PID1: variants seen among roughly 807,000 people sequenced by gnomAD.
PID1 encodes the protein phosphotyrosine interaction domain containing 1.
PID1 carries 10 observed loss-of-function variants against 19.1 expected under a neutral mutation model. The observed-to-expected ratio is 0.52, with a 90% CI of 0.32 to 0.89. The LOEUF (loss-of-function observed/expected upper bound fraction) is 0.89. Ranked by LOEUF, PID1 falls within the 40% of genes least tolerant of loss-of-function variation. The pLI is 0.03. For synonymous variants in PID1, 130 were observed against 116.0 expected (o/e 1.12, Z -0.78); for missense variants, 248 against 285.3 (o/e 0.87, Z 0.94).
intron 2 of PID1, among the ~76,000 whole-genome samples, chr2:229,027,199 A>G (rs1693443949): frequency 6.6e-6 from 1 of 152,258 alleles, no homozygotes. Flanking sequence ...CATATAAAAA[A>G]TTAAAACACA....
intron 2 of PID1, among the ~76,000 whole-genome samples, chr2:229,086,924 C>CAG (rs977635474): frequency 1.3e-5 from 2 of 151,914 alleles, no homozygotes; most frequent in African/African-American, 4.8e-5. Context: ...CACACACACA[C>CAG]ACACACACAC....
chr2:229,232,795 A>C (rs1692242346), intron 1 of PID1, among the ~76,000 whole-genome samples: 1 of 902 alleles, frequency 1.1e-3, no homozygotes, highest in Admixed American at 0.024. Flanking sequence ...ATAAATATAT[A>C]TATATATATA....
chr2:229,128,826 T>C (rs879757707), intron 2 of PID1, among the ~76,000 whole-genome samples: 9 of 152,172 alleles, frequency 5.9e-5, no homozygotes, highest in Non-Finnish European at 1.0e-4. Flanking sequence ...GACCCACAAT[T>C]TGATACCACG....
intron 1 of PID1, among the ~76,000 whole-genome samples, chr2:229,209,075 C>T (rs1449702708): frequency 6.6e-6 from 1 of 152,170 alleles, no homozygotes; most frequent in African/African-American, 2.4e-5. Context: ...GGGATTAACA[C>T]TGTCAGACTG....
intron 2 of PID1, among the ~76,000 whole-genome samples, chr2:229,121,925 G>A (rs1455144520): frequency 6.6e-6 from 1 of 152,120 alleles, no homozygotes; most frequent in Non-Finnish European, 1.5e-5. Context: ...TCAAAGGAGA[G>A]CAAAGAGATT....
At chr2:229,150,241 AAAAG>A (rs1690222500) in intron 2 of PID1, among the ~76,000 whole-genome samples, 1 of 151,832 alleles carries the variant, frequency 6.6e-6, no homozygotes, top group Non-Finnish European at 1.5e-5. Context: ...AAAAAAAAAA[AAAAG>A]GAGAGAGAGA....
intron 1 of PID1, among the ~76,000 whole-genome samples, chr2:229,156,952 T>C (rs919572913): frequency 5.3e-5 from 8 of 152,188 alleles, no homozygotes; most frequent in African/African-American, 9.6e-5. Flanking sequence ...GCTGCTCCTG[T>C]CGTAGGTATT....
At chr2:229,180,831 A>C (rs1690925098) in intron 1 of PID1, among the ~76,000 whole-genome samples, 1 of 152,218 alleles carries the variant, frequency 6.6e-6, no homozygotes, top group Admixed American at 6.5e-5. Context: ...CGATCCGCTG[A>C]GGGCAAGGGA....
At chr2:229,249,699 C>T (rs1451095648) in intron 1 of PID1, among the ~76,000 whole-genome samples, 2 of 152,136 alleles carry the variant, frequency 1.3e-5, no homozygotes, top group Non-Finnish European at 2.9e-5. Flanking sequence ...TGACTCATTG[C>T]AACTGGATAC....
chr2:229,161,033 C>G (rs1430343109), intron 1 of PID1, among the ~76,000 whole-genome samples: 1 of 152,108 alleles, frequency 6.6e-6, no homozygotes, highest in Non-Finnish European at 1.5e-5. Flanking sequence ...TCCTTGCCCC[C>G]AACACTGAAT....
intron 2 of PID1, among the ~76,000 whole-genome samples, chr2:229,031,224 A>AAAAAAAAAAG (rs1693546903): frequency 6.6e-6 from 1 of 150,714 alleles, no homozygotes; most frequent in Non-Finnish European, 1.5e-5. Flanking sequence ...TCAAAAAAAA[A>AAAAAAAAAAG]AAAAAAAAAG....
intron 2 of PID1, among the ~76,000 whole-genome samples, chr2:229,074,072 G>A (rs575214950): frequency 1.2e-4 from 18 of 152,178 alleles, no homozygotes; most frequent in East Asian, 1.2e-3. Flanking sequence ...TAAGTCAAAC[G>A]GCTTACAAAC....
intron 2 of PID1, among the ~76,000 whole-genome samples, chr2:229,087,011 C>T (rs150479774): frequency 7.5e-4 from 114 of 152,048 alleles, no homozygotes; most frequent in Admixed American, 2.1e-3. Flanking sequence ...TACGTTTTAG[C>T]TTTTCAAATA....
chr2:229,058,291 C>T (rs1351565740), intron 2 of PID1, among the ~76,000 whole-genome samples: 2 of 152,154 alleles, frequency 1.3e-5, no homozygotes, highest in Non-Finnish European at 2.9e-5. Flanking sequence ...GAAAATACCA[C>T]ATTCTGAAAA....
At chr2:229,053,211 T>C (rs75505616) in intron 2 of PID1, among the ~76,000 whole-genome samples, 1 of 152,160 alleles carries the variant, frequency 6.6e-6, no homozygotes, top group South Asian at 2.1e-4. Context: ...TCTTTTTTTT[T>C]CTTGACTGGA....
At chr2:229,189,520 C>A (rs766370789) in intron 1 of PID1, among the ~76,000 whole-genome samples, 1 of 152,158 alleles carries the variant, frequency 6.6e-6, no homozygotes, top group Non-Finnish European at 1.5e-5. Context: ...CATGGTGAAA[C>A]CCCATCTCTA....
At chr2:229,137,695 C>G (rs1689884758) in intron 2 of PID1, among the ~76,000 whole-genome samples, 1 of 152,138 alleles carries the variant, frequency 6.6e-6, no homozygotes, top group South Asian at 2.1e-4. Flanking sequence ...TAGAAGTGCA[C>G]AGAATAGGTG....
intron 2 of PID1, among the ~76,000 whole-genome samples, chr2:229,056,197 A>C (rs1694096575): frequency 6.6e-6 from 1 of 152,218 alleles, no homozygotes; most frequent in Admixed American, 6.5e-5. Flanking sequence ...AATATTAACA[A>C]GAGTATAAAA....
At chr2:229,224,972 T>C (rs145841328) in intron 1 of PID1, among the ~76,000 whole-genome samples, 345 of 152,282 alleles carry the variant, frequency 2.3e-3, no homozygotes, top group African/African-American at 5.5e-3. Context: ...CCAAAAACAT[T>C]GTGAGATTCA....
Sources: gnomAD v4.1 joint callset for allele counts (sites outside exome capture counted in the v4.1 genomes callset) on GRCh38, gnomAD v4.1.1 for gene constraint, MANE v1.5 for transcripts, NCBI Gene and HGNC (gene_info 2026-07-23, HGNC 2026-07-21) for gene names.